Variants in ADGRL4 observed in about 807,000 individuals in gnomAD.
ADGRL4 encodes adhesion G protein-coupled receptor L4, also known as EGF, latrophilin and seven transmembrane domain containing 1.
In ADGRL4, 90 loss-of-function variants were observed where a neutral mutation model predicts 74.8. That is an observed-to-expected ratio of 1.20 (90% CI 1.02 to 1.43). The LOEUF (loss-of-function observed/expected upper bound fraction) is 1.43, where lower values mean the gene tolerates loss of function less well. ADGRL4 is among the 40% of genes most tolerant of loss of function. ADGRL4 has a pLI of 0.00. For missense variants in ADGRL4, 881 were observed against 814.3 expected (o/e 1.08, Z -1.00); for synonymous variants, 311 against 279.2 (o/e 1.11, Z -1.14).
chr1:78,903,409 C>T (rs1648559507), intron 12 of ADGRL4, among the ~76,000 whole-genome samples: 1 of 152,122 alleles, frequency 6.6e-6, no homozygotes, highest in South Asian at 2.1e-4. Flanking sequence ...ATGTGCCAGC[C>T]AGGCTGCAAG....
In ADGRL4 at chr1:78,985,622, G is replaced by A. The variant is rs923088250; in HGVS notation, c.172+19448C>T. Among the ~76,000 whole-genome samples, 8 of 151,574 alleles carry A rather than the reference G, an allele frequency of 5.3e-5. No individual in the cohort carries two copies. In the Admixed American group the frequency reaches 5.3e-4, roughly 10 times the overall value. On this transcript the variant is annotated intron_variant, in intron 2 of 14. Transcript: ENST00000370742. ...CATCTAAATGAAGACAGAAAACCAG[G>A]GACAAAAATTATATATAACAACTTC...
intron 2 of ADGRL4, among the ~76,000 whole-genome samples, chr1:78,988,755 G>T (rs938769112): frequency 6.6e-6 from 1 of 151,722 alleles, no homozygotes; most frequent in Non-Finnish European, 1.5e-5. Context: ...CAAAGTTTAA[G>T]AATCTACCTG....
At chr1:78,988,210 T>G (rs572357093) in intron 2 of ADGRL4, among the ~76,000 whole-genome samples, 2 of 151,932 alleles carry the variant, frequency 1.3e-5, no homozygotes, top group East Asian at 1.9e-4. Flanking sequence ...AAACTTAAGT[T>G]GATGATCAGC....
chr1:78,942,741 C>T (rs1372010684), intron 3 of ADGRL4, among the ~76,000 whole-genome samples: 2 of 152,006 alleles, frequency 1.3e-5, no homozygotes, highest in East Asian at 1.9e-4. Context: ...CCAGGCTGAG[C>T]AACATAGCAA....
In ADGRL4 at chr1:78,980,198, C is replaced by CACACA. The variant is rs1557519572; in HGVS notation, c.172+24871_172+24872insTGTGT. The stretch of plus-strand genomic sequence containing the variant: ...CACACAGACACATACACACACACAC[C>CACACA]CACACACCAGTTTGGGTGGTATTCC... On this transcript the variant is annotated intron_variant, in intron 2 of 14. Transcript: ENST00000370742. 5.5e-4 allele frequency among the ~76,000 whole-genome samples: 83 copies of CACACA among 151,066 alleles called. 1 individual carries two copies. The highest frequency in any genetic ancestry group is 2.0e-3 in the African/African-American group (81 of 40,922).
chr1:78,930,353 G>GT (rs1458653950), intron 7 of ADGRL4, among the ~76,000 whole-genome samples: 1 of 150,714 alleles, frequency 6.6e-6, no homozygotes, highest in African/African-American at 2.5e-5. Context: ...TATCAGCAGG[G>GT]TTTTTTCTAA....
At chr1:78,975,635 A>G (rs1650261564) in intron 2 of ADGRL4, among the ~76,000 whole-genome samples, 2 of 152,044 alleles carry the variant, frequency 1.3e-5, no homozygotes, top group South Asian at 4.1e-4. Flanking sequence ...ATTTACATGA[A>G]TTGTTATATA....
intron 12 of ADGRL4, among the ~76,000 whole-genome samples, chr1:78,900,257 A>G (rs1270036835): frequency 1.3e-5 from 2 of 152,086 alleles, no homozygotes; most frequent in Admixed American, 1.3e-4. Flanking sequence ...AACCTGAATA[A>G]AAATGGAAAT....
In ADGRL4 at chr1:79,006,648, G is replaced by T; in HGVS notation, c.7C>A (p.Arg3Ser). Reference protein sequence around the residue: MKRLPLLVVFSTL... With the variant: MKSLPLLVVFSTL... The stretch of plus-strand genomic sequence containing the variant: ...GAGCACTCACCTAGGAGCGGGAGGC[G>T]TTTCATTGGCGGTGGCCGCAGTGGT... The change falls in exon 1 of 15, where the codon CGC becomes AGC. Residue 3 changes from arginine (R) to serine (S), a missense_variant. Physicochemically the swap from Arg to Ser is moderately radical, Grantham distance 110. Transcript: ENST00000370742. The T allele has an allele frequency of 6.6e-7, 1 of 1,515,574 alleles. No homozygotes were observed. The highest frequency in any genetic ancestry group is 8.8e-7 in the Non-Finnish European group (1 of 1,133,552). 93.9% of individuals were successfully genotyped at this position (1,515,574 alleles called of 1,614,324 possible).
intron 2 of ADGRL4, among the ~76,000 whole-genome samples, chr1:78,955,491 A>C (rs1489390): frequency 0.99 from 150,137 of 152,096 alleles, 74,138 homozygotes; most frequent in Middle Eastern, 1. Flanking sequence ...TTGTATCGCA[A>C]TTATAAACCA....
chr1:78,970,653 C>G (rs1650149937), intron 2 of ADGRL4, among the ~76,000 whole-genome samples: 1 of 152,112 alleles, frequency 6.6e-6, no homozygotes, highest in Non-Finnish European at 1.5e-5. Flanking sequence ...TCCCCTTTTC[C>G]TAGATGGATA....
rs1402288728 is a variant in ADGRL4, at chr1:79,006,707, G to C, written c.-53C>G. The C allele has an allele frequency of 7.0e-7, 1 of 1,422,410 alleles. No individual in the cohort carries two copies. The highest frequency in any genetic ancestry group is 9.2e-7 in the Non-Finnish European group (1 of 1,089,792). 88.1% of individuals were successfully genotyped at this position (1,422,410 alleles called of 1,614,324 possible). A position where few individuals can be genotyped will look rare whatever the true frequency, so the allele number is the denominator to read the frequency against. Reference sequence around the variant, plus strand: ...CGGAGAGCGCGGCGGAGTGAGTGCGGCTGTGGACCCGGGACCGGGCGCCGC... The same window carrying C: ...CGGAGAGCGCGGCGGAGTGAGTGCGCCTGTGGACCCGGGACCGGGCGCCGC... On this transcript the variant is annotated 5_prime_UTR_variant, in exon 1 of 15. Coordinates refer to ENST00000370742, the MANE Select transcript of ADGRL4 (RefSeq NM_022159.4).
chr1:78,946,394 A>G lies in ADGRL4; in HGVS notation c.205T>C (p.Cys69Arg), dbSNP rs745990569. The G allele has an allele frequency of 1.9e-6, 3 of 1,612,270 alleles. No homozygotes were observed. Among genetic ancestry groups the G allele is most frequent in the Non-Finnish European group, 2.5e-6 (3 of 1,179,180 alleles). ...DNECGNLTQS[C>R]GENANCTNTE... ...TTAGTGCAATTAGCATTTTCGCCACAGGACTGAGTTAAATTTCCACATTCA... is the reference window on the plus strand; with the variant it reads ...TTAGTGCAATTAGCATTTTCGCCACGGGACTGAGTTAAATTTCCACATTCA... Residue 69 changes from cysteine (C) to arginine (R), a missense_variant, in exon 3 of 15, where the codon TGT becomes CGT. Physicochemically the swap from Cys to Arg is radical, Grantham distance 180. Transcript: ENST00000370742.
intron 9 of ADGRL4, 89 bp downstream of exon 9, chr1:78,921,524 T>TA: frequency 1.2e-6 from 1 of 832,980 alleles, no homozygotes; most frequent in Non-Finnish European, 1.7e-6. Context: ...CCAAGAAAAA[T>TA]ATATAAAAAA....
chr1:78,896,048 G>A (rs1570207929), intron 12 of ADGRL4, among the ~76,000 whole-genome samples: 2 of 152,044 alleles, frequency 1.3e-5, no homozygotes, highest in South Asian at 4.1e-4. Context: ...TGATTACTGT[G>A]AACAGCAATC....
intron 2 of ADGRL4, among the ~76,000 whole-genome samples, chr1:78,994,896 G>A (rs1444950255): frequency 6.6e-6 from 1 of 152,278 alleles, no homozygotes; most frequent in East Asian, 1.9e-4. Context: ...TCCTAGCTGA[G>A]ACTACTGCCT....
chr1:78,893,146 C>A lies in ADGRL4; in HGVS notation c.1793G>T (p.Arg598Leu). ...TTCTGGTTTCAACCCTGCAGTGTGA[C>A]GAAAAACTTTGTATATGATGACTCC... ...AFGVIIYKVF[R>L]HTAGLKPEVS... Residue 598 changes from arginine to leucine, a missense_variant, in exon 13 of 15, where the codon CGT (arginine) becomes CTT (leucine). Arg to Leu is a moderately radical substitution (Grantham distance 102). Coordinates refer to ENST00000370742, the MANE Select transcript of ADGRL4 (RefSeq NM_022159.4). 1.2e-6 allele frequency: 2 copies of A among 1,600,008 alleles called. No homozygotes were observed. Among genetic ancestry groups the A allele is most frequent in the South Asian group, 1.1e-5 (1 of 88,604 alleles).
chr1:78,915,817 C>A (rs1648858480), intron 12 of ADGRL4, among the ~76,000 whole-genome samples: 1 of 151,812 alleles, frequency 6.6e-6, no homozygotes, highest in Non-Finnish European at 1.5e-5. Flanking sequence ...AATATGCAAG[C>A]ATTAGCACAG....
chr1:79,006,056 T>C (rs969906867), intron 1 of ADGRL4, among the ~76,000 whole-genome samples: 2 of 152,198 alleles, frequency 1.3e-5, no homozygotes, highest in Non-Finnish European at 2.9e-5. Context: ...TTTTTTATTG[T>C]TTTACCAGGC....
Sources: gnomAD v4.1 joint callset for allele counts (sites outside exome capture counted in the v4.1 genomes callset) on GRCh38, gnomAD v4.1.1 for gene constraint, MANE v1.5 for transcripts, NCBI Gene and HGNC (gene_info 2026-07-23, HGNC 2026-07-21) for gene names.